RPTOR: variants seen among roughly 807,000 people sequenced by gnomAD.
RPTOR encodes regulatory-associated protein of mTOR.
RPTOR carries 21 observed loss-of-function variants against 169.9 expected under a neutral mutation model. That is an observed-to-expected ratio of 0.12 (90% confidence interval 0.09 to 0.18). RPTOR has a LOEUF of 0.18. Ranked by LOEUF, RPTOR falls within the 10% of genes least tolerant of loss-of-function variation. The pLI is 1.00. For missense variants in RPTOR, 1,133 were observed against 1,855.9 expected (o/e 0.61, Z 7.16); for synonymous variants, 732 against 753.2 (o/e 0.97, Z 0.46).
At position 80,823,025 on chromosome 17, in the gene RPTOR, A is replaced by G; in HGVS notation, c.992-54A>G. ...GAAGTGAATTTGTGTATTTGGCTTTAAATGCTAGACACAAGTCACTGTAGA... is the reference window on the plus strand; with the variant it reads ...GAAGTGAATTTGTGTATTTGGCTTTGAATGCTAGACACAAGTCACTGTAGA... On this transcript the variant is annotated intron_variant, in intron 8 of 33. Coordinates refer to ENST00000306801, the MANE Select transcript of RPTOR (RefSeq NM_020761.3). The surrounding 1 kb of genome is among the most constrained non-coding windows in gnomAD (Gnocchi z 4.5). 1 of 1,568,900 alleles carries G rather than the reference A, an allele frequency of 6.4e-7. No homozygotes were observed. The highest frequency in any genetic ancestry group is 8.6e-7 in the Non-Finnish European group (1 of 1,157,140).
At chr17:80,600,221 T>C (rs1428110579) in intron 1 of RPTOR, among the ~76,000 whole-genome samples, 3 of 152,184 alleles carry the variant, frequency 2.0e-5, no homozygotes. Context: ...AAAGGGCTTG[T>C]CTCTTTATGG....
intron 17 of RPTOR, among the ~76,000 whole-genome samples, chr17:80,886,631 C>G (rs371673487): frequency 1.3e-5 from 2 of 152,244 alleles, no homozygotes. Flanking sequence ...AGAGCCATCC[C>G]GTGGCCGGGC....
At chr17:80,677,041 G>A (rs1369629458) in intron 3 of RPTOR, among the ~76,000 whole-genome samples, 1 of 152,220 alleles carries the variant, frequency 6.6e-6, no homozygotes, top group African/African-American at 2.4e-5. Flanking sequence ...TCGTGCCAGT[G>A]GACCTGGGAG....
At chr17:80,831,968 A>T (rs1457113610) in intron 9 of RPTOR, among the ~76,000 whole-genome samples, 1 of 152,232 alleles carries the variant, frequency 6.6e-6, no homozygotes, top group African/African-American at 2.4e-5. Flanking sequence ...GCGTAACCAC[A>T]CAGACTTGGT....
At chr17:80,558,611 C>T (rs570697391) in intron 1 of RPTOR, among the ~76,000 whole-genome samples, 1 of 152,186 alleles carries the variant, frequency 6.6e-6, no homozygotes, top group Non-Finnish European at 1.5e-5. Context: ...TACTGTCACC[C>T]TCCATTTACA....
chr17:80,674,198 C>T (rs1446401010), intron 3 of RPTOR, among the ~76,000 whole-genome samples: 2 of 152,198 alleles, frequency 1.3e-5, no homozygotes, highest in Non-Finnish European at 2.9e-5. Context: ...ATCCTTCTTA[C>T]TGTCTCAAAC....
At position 80,820,634 on chromosome 17, in the gene RPTOR, G is replaced by A. The variant is rs56281294; in HGVS notation, c.891-1567G>A. Among the ~76,000 whole-genome samples, 5,531 of 151,748 alleles carry A rather than the reference G, an allele frequency of 0.036. 148 individuals are homozygous for A. Among genetic ancestry groups the A allele is most frequent in the East Asian group, 0.071 (360 of 5,062 alleles). Reference sequence around the variant, plus strand: ...TTTGCTTTTCCTCACTCCCCTGCTCGGAGGTCGGAGGGCAGGCAGCCTGGC... The same window carrying A: ...TTTGCTTTTCCTCACTCCCCTGCTCAGAGGTCGGAGGGCAGGCAGCCTGGC... On this transcript the variant is annotated intron_variant, in intron 7 of 33. Transcript: ENST00000306801. The surrounding 1 kb of genome is among the most constrained non-coding windows in gnomAD (Gnocchi z 4.1).
chr17:80,796,879 T>G (rs932536480), intron 7 of RPTOR, among the ~76,000 whole-genome samples: 10 of 152,168 alleles, frequency 6.6e-5, no homozygotes, highest in African/African-American at 2.4e-4. Flanking sequence ...TTTACATTTT[T>G]TATGCCAGGA....
At chr17:80,756,639 G>T (rs1279041722) in intron 6 of RPTOR, among the ~76,000 whole-genome samples, 1 of 152,128 alleles carries the variant, frequency 6.6e-6, no homozygotes, top group African/African-American at 2.4e-5. Context: ...TTAGGTGAGC[G>T]CTCATAGTAC....
At chr17:80,839,838 C>T (rs1028233930) in intron 10 of RPTOR, among the ~76,000 whole-genome samples, 2 of 152,200 alleles carry the variant, frequency 1.3e-5, no homozygotes, top group Non-Finnish European at 2.9e-5. Context: ...TCTTTCTAAA[C>T]GAATACTTAG....
At chr17:80,574,271 TCTC>T (rs944447505) in intron 1 of RPTOR, among the ~76,000 whole-genome samples, 3 of 150,604 alleles carry the variant, frequency 2.0e-5, no homozygotes, top group Non-Finnish European at 3.0e-5. Flanking sequence ...TTCACGCCAT[TCTC>T]CTGCCTCAGC....
intron 5 of RPTOR, among the ~76,000 whole-genome samples, chr17:80,745,053 G>T (rs1235026583): frequency 1.3e-5 from 2 of 152,144 alleles, no homozygotes; most frequent in Non-Finnish European, 2.9e-5. Flanking sequence ...CAAAGAATAT[G>T]CCATGAGTTA....
At chr17:80,735,136 G>T (rs1187239589) in intron 5 of RPTOR, among the ~76,000 whole-genome samples, 1 of 152,172 alleles carries the variant, frequency 6.6e-6, no homozygotes, top group Non-Finnish European at 1.5e-5. Flanking sequence ...GTTGAGGGGT[G>T]ACTAAAGGGA....
intron 2 of RPTOR, among the ~76,000 whole-genome samples, chr17:80,627,267 G>T (rs998913585): frequency 2.6e-5 from 4 of 152,158 alleles, no homozygotes; most frequent in African/African-American, 7.2e-5. Flanking sequence ...TGATCCACCC[G>T]CCTTGGCCTC....
rs563366965 is a variant in RPTOR, at chr17:80,815,361, T to C, written c.891-6840T>C. ...CCAACTCGGAGGTGGCCAGACTCTG[T>C]AGCTCAGCTGTGCTACAGGGCCACC... On this transcript the variant is annotated intron_variant, in intron 7 of 33. Transcript: ENST00000306801. Among the ~76,000 whole-genome samples the C allele has an allele frequency of 1.2e-4, 19 of 152,366 alleles. No homozygotes were observed. The East Asian group carries it at 3.7e-3, about 29-fold the overall frequency.
At chr17:80,877,471 G>A (rs1166855267) in intron 13 of RPTOR, among the ~76,000 whole-genome samples, 1 of 152,178 alleles carries the variant, frequency 6.6e-6, no homozygotes, top group Non-Finnish European at 1.5e-5. Context: ...CCGATACCAA[G>A]GGCACATCTA....
chr17:80,660,218 C>CCGAGAT (rs2143645192), intron 3 of RPTOR, among the ~76,000 whole-genome samples: 1 of 150,976 alleles, frequency 6.6e-6, no homozygotes, highest in African/African-American at 2.4e-5. Flanking sequence ...TTGCAGTGAG[C>CCGAGAT]CGAGATCGCA....
chr17:80,849,014 C>T (rs1482173249), intron 11 of RPTOR, among the ~76,000 whole-genome samples: 1 of 152,086 alleles, frequency 6.6e-6, no homozygotes, highest in Non-Finnish European at 1.5e-5. Context: ...CTGGCTGTGC[C>T]CAGCCGGGAT....
intron 4 of RPTOR, among the ~76,000 whole-genome samples, chr17:80,715,925 C>G (rs1748527642): frequency 6.6e-6 from 1 of 152,196 alleles, no homozygotes; most frequent in Non-Finnish European, 1.5e-5. Flanking sequence ...GAGTAGTATT[C>G]CATCATGTAT....
Sources: allele counts gnomAD v4.1 joint callset (sites outside exome capture counted in the v4.1 genomes callset), GRCh38; gene constraint gnomAD v4.1.1; non-coding constraint Gnocchi (gnomAD v3.1); transcripts MANE v1.5; gene names NCBI Gene and HGNC (gene_info 2026-07-23, HGNC 2026-07-21).